The following MDM2 variants were observed in gnomAD, a reference collection of about 807,000 sequenced individuals.
MDM2 encodes MDM2 proto-oncogene.
In MDM2, 11 loss-of-function variants were observed where a neutral mutation model predicts 64.3. The ratio of observed to expected loss-of-function variants is 0.17; its 90% CI spans 0.11 to 0.28. The LOEUF is 0.28. Ranked by LOEUF, MDM2 falls within the 10% of genes least tolerant of loss-of-function variation. MDM2 has a pLI of 1.00. For missense variants in MDM2, 388 were observed against 577.1 expected (o/e 0.67, Z 3.36); for synonymous variants, 194 against 192.9 (o/e 1.01, Z -0.05).
intron 7 of MDM2, among the ~76,000 whole-genome samples, chr12:68,827,035 G>A (rs1020157074): frequency 2.0e-5 from 3 of 152,012 alleles, no homozygotes; most frequent in East Asian, 1.9e-4. Flanking sequence ...AAAATTAGCC[G>A]GGCACAGTGG....
At chr12:68,821,967 C>T (rs1191746091) in intron 5 of MDM2, among the ~76,000 whole-genome samples, 2 of 151,990 alleles carry the variant, frequency 1.3e-5, no homozygotes, top group Non-Finnish European at 2.9e-5. Context: ...ATGATCCTCC[C>T]CCTCAGCCTC....
intron 8 of MDM2, among the ~76,000 whole-genome samples, chr12:68,829,419 T>A (rs371691693): frequency 6.6e-6 from 1 of 152,182 alleles, no homozygotes; most frequent in Non-Finnish European, 1.5e-5. Flanking sequence ...AACTTAACAT[T>A]TGCCAAATAG....
At position 68,824,602 on chromosome 12, in the gene MDM2, G is replaced by C; in HGVS notation, c.474G>C (p.Leu158Phe). Residue 158 changes from leucine (L) to phenylalanine (F), a missense_variant, in exon 7 of 11, where the codon TTG becomes TTC. This residue lies in a region of MDM2 where 168 missense variants were observed against 236.6 expected (regional missense o/e 0.71). Coordinates refer to ENST00000258149, the MANE Select transcript of MDM2 (RefSeq NM_002392.6). Reference protein sequence around the residue: ...LQEEKPSSSHLVSRPSTSSRR... With the variant: ...LQEEKPSSSHFVSRPSTSSRR... ...AAGAGAAACCTTCATCTTCACATTT[G>C]GTTTCTAGACCATCTACCTCATCTA... 6.2e-7 allele frequency: 1 copy of C among 1,613,464 alleles called. No individual in the cohort carries two copies. The highest frequency in any genetic ancestry group is 2.2e-5 in the East Asian group (1 of 44,824).
In MDM2 at chr12:68,808,443, T is replaced by C. The variant is rs780101293; in HGVS notation, c.-35T>C. On this transcript the variant is annotated 5_prime_UTR_variant, in exon 1 of 11. Transcript: ENST00000258149. ...CCCCGTGAAGGAAACTGGGGAGTCT[T>C]GAGGGACCCCCGACTCCAAGCGCGA... The C allele has an allele frequency of 1.9e-6, 3 of 1,613,774 alleles. No individual in the cohort carries two copies. The African/African-American group carries it at 4.0e-5, about 22-fold the overall frequency.
At chr12:68,810,380 A>T (rs1880765438) in intron 2 of MDM2, among the ~76,000 whole-genome samples, 1 of 151,840 alleles carries the variant, frequency 6.6e-6, no homozygotes, top group Non-Finnish European at 1.5e-5. Flanking sequence ...TTACTATTTG[A>T]TTGCTACTGG....
chr12:68,820,215 CAGTAGTTCATACTA>C, intron 4 of MDM2, 96 bp from the exon 5 acceptor site: 1 of 751,518 alleles, frequency 1.3e-6, no homozygotes, highest in Non-Finnish European at 2.2e-6. Flanking sequence ...TGAATGTGTG[CAGTAGTTCATACTA>C]AGTATGTATG....
At chr12:68,810,683 G>C (rs983438492) in intron 2 of MDM2, among the ~76,000 whole-genome samples, 7 of 151,992 alleles carry the variant, frequency 4.6e-5, no homozygotes, top group African/African-American at 1.7e-4. Context: ...GGATGATCTT[G>C]ATCCCCTGAC....
At chr12:68,825,464 T>G (rs1049398733) in intron 7 of MDM2, among the ~76,000 whole-genome samples, 4 of 151,892 alleles carry the variant, frequency 2.6e-5, no homozygotes, top group Non-Finnish European at 5.9e-5. Flanking sequence ...CCATCCTGTC[T>G]AACATGGTGA....
chr12:68,832,469 C>T (rs960241661), intron 8 of MDM2, among the ~76,000 whole-genome samples: 5 of 152,058 alleles, frequency 3.3e-5, no homozygotes, highest in African/African-American at 1.2e-4. Flanking sequence ...CTACAAAGAT[C>T]TAAGATCTTT....
At chr12:68,809,094 C>T (rs1157427963) in intron 1 of MDM2, 114 bp from the exon 2 acceptor site, 1 of 1,533,312 alleles carries the variant, frequency 6.5e-7, no homozygotes, top group African/African-American at 1.4e-5. Flanking sequence ...CAGGTAAGCA[C>T]CGACTTGCTT....
chr12:68,831,304 G>A (rs1882774777), intron 8 of MDM2, among the ~76,000 whole-genome samples: 1 of 152,184 alleles, frequency 6.6e-6, no homozygotes, highest in Non-Finnish European at 1.5e-5. Context: ...CTTACATTCT[G>A]ACAATACTAG....
Position 68,842,517 on chromosome 12 carries a change from A to G in MDM2, c.*2668A>G, listed in dbSNP as rs1883861606. 2.6e-6 allele frequency: 1 copy of G among 377,996 alleles called. No homozygotes were observed. Among genetic ancestry groups the G allele is most frequent in the Non-Finnish European group, 5.1e-6 (1 of 194,992 alleles). The allele number at this position is 377,996 out of a possible 1,614,324, so 23.4% of individuals were successfully genotyped here. On this transcript the variant is annotated 3_prime_UTR_variant, in exon 11 of 11. Transcript: ENST00000258149. ...ATGAAAGGTGATTACAAAATCATCT[A>G]CATTGCTGTCTACAAAACAGATAAT...
intron 5 of MDM2, among the ~76,000 whole-genome samples, chr12:68,822,598 C>T (rs543404564): frequency 3.5e-4 from 53 of 152,146 alleles, no homozygotes; most frequent in African/African-American, 1.2e-3. Flanking sequence ...TTCATTCCTT[C>T]ATTTGTTTAA....
At position 68,835,988 on chromosome 12, in the gene MDM2, G is replaced by A; in HGVS notation, c.840+4G>A. On this transcript the variant is annotated splice_donor_region_variant and intron_variant, in intron 9 of 10. Coordinates refer to ENST00000258149, the MANE Select transcript of MDM2 (RefSeq NM_002392.6). ...ACTCTCAGATGAAGATGATGAGGTA[G>A]TATTTTTTTTCCCCTCTAATTATAT... 1.3e-6 allele frequency: 2 copies of A among 1,589,050 alleles called. No homozygotes were observed. Among genetic ancestry groups the A allele is most frequent in the African/African-American group, 1.3e-5 (1 of 74,078 alleles).
chr12:68,813,566 C>A lies in MDM2; in HGVS notation c.112C>A (p.Pro38Thr). Reference sequence around the variant, plus strand: ...TTTCTCTTTATAGGTTAGACCAAAGCCATTGCTTTTGAAGTTATTAAAGTC... The same window carrying A: ...TTTCTCTTTATAGGTTAGACCAAAGACATTGCTTTTGAAGTTATTAAAGTC... Reference protein sequence around the residue: ...SEQETLVRPKPLLLKLLKSVG... With the variant: ...SEQETLVRPKTLLLKLLKSVG... Residue 38 changes from proline to threonine, a missense_variant, in exon 3 of 11, where the codon CCA (proline) becomes ACA (threonine). Physicochemically the swap from Pro to Thr is conservative, Grantham distance 38. This residue lies in a region of MDM2 where 46 missense variants were observed against 45.2 expected (regional missense o/e 1.02). Transcript: ENST00000258149. The A allele has an allele frequency of 6.2e-7, 1 of 1,612,748 alleles. No individual in the cohort carries two copies. The highest frequency in any genetic ancestry group is 8.5e-7 in the Non-Finnish European group (1 of 1,179,076).
intron 5 of MDM2, among the ~76,000 whole-genome samples, chr12:68,823,158 C>T (rs1882007492): frequency 6.6e-6 from 1 of 152,060 alleles, no homozygotes; most frequent in Non-Finnish European, 1.5e-5. Context: ...AATGCCTTAC[C>T]CATAGTATAA....
chr12:68,837,903 A>G (rs1368181561), intron 10 of MDM2, among the ~76,000 whole-genome samples: 1 of 152,208 alleles, frequency 6.6e-6, no homozygotes, highest in African/African-American at 2.4e-5. Context: ...GCAAAAAAGG[A>G]TGAAAATTCA....
intron 2 of MDM2, among the ~76,000 whole-genome samples, chr12:68,812,742 C>T (rs1039759517): frequency 1.3e-5 from 2 of 152,232 alleles, no homozygotes; most frequent in Non-Finnish European, 2.9e-5. Flanking sequence ...AGCCACCTCT[C>T]CCAGCCAGCT....
Position 68,813,643 on chromosome 12 carries a change from G to A in MDM2, c.174+15G>A, listed in dbSNP as rs1881105672. ...CTATGAAAGAGGTAAGCTGAATCAA[G>A]AGATAAGTAGTATCTCACTAGTTAC... is the stretch of plus-strand genomic sequence containing the variant. On this transcript the variant is annotated intron_variant, in intron 3 of 10. Transcript: ENST00000258149. 2 of 1,585,194 alleles carry A rather than the reference G, an allele frequency of 1.3e-6. No individual in the cohort carries two copies. Among genetic ancestry groups the A allele is most frequent in the South Asian group, 2.2e-5 (2 of 89,694 alleles).
Sources: allele counts gnomAD v4.1 joint callset (sites outside exome capture counted in the v4.1 genomes callset), GRCh38; gene constraint gnomAD v4.1.1; regional missense constraint gnomAD v4.1.1; transcripts MANE v1.5; gene names NCBI Gene and HGNC (gene_info 2026-07-23, HGNC 2026-07-21).